Variants in RBFOX1 observed in about 807,000 individuals in gnomAD.
The protein encoded by RBFOX1 is RNA binding protein fox-1 homolog 1.
A neutral mutation model predicts 57.7 loss-of-function variants in RBFOX1; 8 were observed. That is an observed-to-expected ratio of 0.14 (90% confidence interval 0.08 to 0.25). RBFOX1 has a LOEUF of 0.25. Ranked by LOEUF, RBFOX1 falls within the 10% of genes least tolerant of loss-of-function variation. The pLI is 1.00. For synonymous variants in RBFOX1, 326 were observed against 222.4 expected (o/e 1.47, Z -4.15); for missense variants, 611 against 548.5 (o/e 1.11, Z -1.14).
chr16:7,499,998 A>G (rs185677653), intron 4 of RBFOX1, among the ~76,000 whole-genome samples: 5 of 152,128 alleles, frequency 3.3e-5, no homozygotes, highest in African/African-American at 9.6e-5. Context: ...CCTTGAGTAC[A>G]CCTTGACATC....
At chr16:6,695,204 G>C (rs1156672249) in intron 3 of RBFOX1, among the ~76,000 whole-genome samples, 1 of 152,068 alleles carries the variant, frequency 6.6e-6, no homozygotes, top group Non-Finnish European at 1.5e-5. Context: ...TGGGTCGCCT[G>C]ATGTCAGGAG....
At chr16:6,010,338 C>A (rs1233527395) in intron 4 of RBFOX1, among the ~76,000 whole-genome samples, 1 of 152,182 alleles carries the variant, frequency 6.6e-6, no homozygotes, top group Non-Finnish European at 1.5e-5. Flanking sequence ...TTCCAGCTCC[C>A]TTGCCCCGGG....
intron 3 of RBFOX1, among the ~76,000 whole-genome samples, chr16:6,984,017 G>C (rs2089642644): frequency 6.6e-6 from 1 of 152,158 alleles, no homozygotes; most frequent in Non-Finnish European, 1.5e-5. Context: ...GGAGGCCAAG[G>C]TGGGCAGATC....
At chr16:7,353,717 A>G (rs1486008642) in intron 4 of RBFOX1, among the ~76,000 whole-genome samples, 1 of 152,224 alleles carries the variant, frequency 6.6e-6, no homozygotes, top group African/African-American at 2.4e-5. Context: ...AGGACTACAT[A>G]TTGTATGATT....
intron 2 of RBFOX1, among the ~76,000 whole-genome samples, chr16:5,566,482 GT>G (rs1174802588): frequency 1.3e-5 from 2 of 151,890 alleles, no homozygotes; most frequent in Non-Finnish European, 2.9e-5. Context: ...CCCTCGGGTT[GT>G]TATATTTTGT....
At chr16:5,393,376 A>C (rs1428110275) in intron 1 of RBFOX1, among the ~76,000 whole-genome samples, 3 of 152,332 alleles carry the variant, frequency 2.0e-5, no homozygotes, top group East Asian at 1.9e-4. Context: ...GCCCTGCCTG[A>C]AGGATCTGCC....
At chr16:6,899,267 C>T (rs998858753) in intron 3 of RBFOX1, among the ~76,000 whole-genome samples, 5 of 151,812 alleles carry the variant, frequency 3.3e-5, no homozygotes, top group Non-Finnish European at 7.4e-5. Flanking sequence ...GTGTGTATAA[C>T]GTGTGCATGT....
chr16:7,304,565 C>G (rs1053944264), intron 4 of RBFOX1: 1 of 985,208 alleles, frequency 1.0e-6, no homozygotes, highest in Non-Finnish European at 1.2e-6. Flanking sequence ...GGCTGCGCTT[C>G]GGTGCCTTAT....
At chr16:7,322,805 C>A (rs1338226055) in intron 4 of RBFOX1, among the ~76,000 whole-genome samples, 1 of 152,156 alleles carries the variant, frequency 6.6e-6, no homozygotes, top group African/African-American at 2.4e-5. Context: ...AAAGGGCAAC[C>A]TAATAATCTC....
intron 4 of RBFOX1, among the ~76,000 whole-genome samples, chr16:7,496,036 C>T (rs1219567065): frequency 2.0e-5 from 3 of 152,246 alleles, no homozygotes; most frequent in Middle Eastern, 3.4e-3. Flanking sequence ...TCCTACAGAA[C>T]GTGGTGTGGT....
chr16:6,898,096 A>G (rs780045294), intron 3 of RBFOX1, among the ~76,000 whole-genome samples: 29 of 152,190 alleles, frequency 1.9e-4, no homozygotes, highest in Admixed American at 3.9e-4. Context: ...AATGAGGTGA[A>G]CCGAGTAAAT....
intron 3 of RBFOX1, among the ~76,000 whole-genome samples, chr16:6,807,539 G>C (rs572974276): frequency 6.6e-6 from 1 of 151,846 alleles, no homozygotes; most frequent in East Asian, 1.9e-4. Flanking sequence ...ATACTATGGC[G>C]GAGTGTGGTG....
chr16:7,041,913 A>C (rs888620813), intron 3 of RBFOX1, among the ~76,000 whole-genome samples: 2 of 149,210 alleles, frequency 1.3e-5, no homozygotes, highest in Non-Finnish European at 2.9e-5. Context: ...CAGGTACCAT[A>C]TTATCTCTAT....
At chr16:6,652,912 T>C (rs1294955158) in intron 2 of RBFOX1, among the ~76,000 whole-genome samples, 2 of 152,228 alleles carry the variant, frequency 1.3e-5, no homozygotes, top group Non-Finnish European at 2.9e-5. Flanking sequence ...TGATATTGTA[T>C]TTTATCACAA....
intron 4 of RBFOX1, among the ~76,000 whole-genome samples, chr16:7,179,794 G>A (rs540124881): frequency 6.6e-6 from 1 of 152,110 alleles, no homozygotes; most frequent in East Asian, 1.9e-4. Context: ...GAATGCAGTG[G>A]CATGATCTCG....
intron 4 of RBFOX1, among the ~76,000 whole-genome samples, chr16:7,195,332 C>A (rs914645646): frequency 6.6e-6 from 1 of 152,124 alleles, no homozygotes; most frequent in African/African-American, 2.4e-5. Flanking sequence ...GTTGCAGTGT[C>A]TTTTCTAGCC....
At chr16:7,196,762 G>T (rs879578811) in intron 4 of RBFOX1, among the ~76,000 whole-genome samples, 1 of 152,150 alleles carries the variant, frequency 6.6e-6, no homozygotes, top group Non-Finnish European at 1.5e-5. Flanking sequence ...AAGAAGGGAA[G>T]CCTGGGCAGG....
chr16:5,454,840 CCTTTCTTTCTTTCTTTTCTTTCTTTCTTT>C (rs1461380759), intron 1 of RBFOX1, among the ~76,000 whole-genome samples: 37 of 104,908 alleles, frequency 3.5e-4, no homozygotes, highest in African/African-American at 1.2e-3. Context: ...TGCTTTCTTT[CCTTTCTTTCTTTCTTTTCTTTCTTTCTTT>C]CTTTCTTTCT....
At chr16:6,352,996 GGGAAGTCA>G (rs1421339912) in intron 2 of RBFOX1, among the ~76,000 whole-genome samples, 1 of 152,112 alleles carries the variant, frequency 6.6e-6, no homozygotes, top group African/African-American at 2.4e-5. Context: ...GGGTTTCTGT[GGGAAGTCA>G]GGTGAATAAG....
Sources: allele counts gnomAD v4.1 joint callset (sites outside exome capture counted in the v4.1 genomes callset), GRCh38; gene constraint gnomAD v4.1.1; transcripts MANE v1.5; gene names NCBI Gene and HGNC (gene_info 2026-07-23, HGNC 2026-07-21).